Variants in ALOXE3 observed in about 807,000 individuals in gnomAD.
ALOXE3 encodes the protein hydroperoxide isomerase ALOXE3.
ALOXE3 carries 78 observed loss-of-function variants against 87.5 expected under a neutral mutation model. That is an observed-to-expected ratio of 0.89 (90% confidence interval 0.74 to 1.08). The LOEUF is 1.08. Ranked by LOEUF, ALOXE3 falls within the 50% of genes least tolerant of loss-of-function variation. The pLI is 0.00. For synonymous variants in ALOXE3, 363 were observed against 370.8 expected (o/e 0.98, Z 0.24); for missense variants, 946 against 912.4 (o/e 1.04, Z -0.47).
intron 13 of ALOXE3, among the ~76,000 whole-genome samples, chr17:8,105,249 C>T (rs769752049): frequency 6.6e-6 from 1 of 152,270 alleles, no homozygotes; most frequent in African/African-American, 2.4e-5. Context: ...CCTGATAGTT[C>T]TCAAATGCAC....
Position 8,116,796 on chromosome 17 carries a change from A to C in ALOXE3, c.332T>G (p.Val111Gly). The C allele has an allele frequency of 6.2e-7, 1 of 1,614,218 alleles. No homozygotes were observed. Among genetic ancestry groups the C allele is most frequent in the Non-Finnish European group, 8.5e-7 (1 of 1,180,040 alleles). ...CCCACCTGTTCCTGGCCTCAGCTCC[A>C]CGGTGCAGTAGCCTTCAATCCACTG... ...CYQWIEGYCTVELRPGTARTI... is the reference protein window; with the variant it reads ...CYQWIEGYCTGELRPGTARTI... Residue 111 changes from valine to glycine, a missense_variant, in exon 3 of 16, where the codon GTG becomes GGG. By Grantham distance (109) the Val-to-Gly change is moderately radical. Coordinates refer to ENST00000448843, the MANE Select transcript of ALOXE3 (RefSeq NM_021628.3).
At position 8,109,274 on chromosome 17, in the gene ALOXE3, T is replaced by G. The variant is rs772822868; in HGVS notation, c.1462A>C (p.Asn488His). 79 of 1,613,898 alleles carry G rather than the reference T, an allele frequency of 4.9e-5. No homozygotes were observed. The highest frequency in any genetic ancestry group is 6.4e-5 in the Non-Finnish European group (76 of 1,180,000). The change falls in exon 12 of 16, where the codon AAT becomes CAT. Residue 488 changes from asparagine to histidine, a missense_variant. By Grantham distance (68) the Asn-to-His change is moderately conservative. Coordinates refer to ENST00000448843, the MANE Select transcript of ALOXE3 (RefSeq NM_021628.3). ...CGCAGGCTGTCCGGAAGGCAGAAATTGGTGTAGGTGAAGTGGGCCAGGCCC... is the reference window on the plus strand; with the variant it reads ...CGCAGGCTGTCCGGAAGGCAGAAATGGGTGTAGGTGAAGTGGGCCAGGCCC... Reference protein sequence around the residue: ...STGLAHFTYTNFCLPDSLRAR... With the variant: ...STGLAHFTYTHFCLPDSLRAR...
At chr17:8,103,574 T>C in intron 14 of ALOXE3, 81 bp from the exon 15 acceptor site, 1 of 1,470,246 alleles carries the variant, frequency 6.8e-7, no homozygotes, top group Non-Finnish European at 9.4e-7. Context: ...TGATTCCACC[T>C]CTGCCGTCCT....
At chr17:8,099,459 C>G (rs540542769) in intron 15 of ALOXE3, among the ~76,000 whole-genome samples, 2 of 151,932 alleles carry the variant, frequency 1.3e-5, no homozygotes, top group African/African-American at 4.8e-5. Context: ...GTCAGGAGTT[C>G]GAGACCAGCC....
intron 1 of ALOXE3, 30 bp from the exon 2 acceptor site, chr17:8,118,333 G>A: frequency 4.5e-6 from 7 of 1,551,818 alleles, no homozygotes; most frequent in Non-Finnish European, 6.1e-6. Flanking sequence ...ATGCTGAGAT[G>A]GAGAAAAGGA....
intron 11 of ALOXE3, 79 bp downstream of exon 11, chr17:8,109,837 C>G: frequency 2.8e-6 from 4 of 1,424,086 alleles, no homozygotes; most frequent in Non-Finnish European, 3.8e-6. Context: ...GGCTTGGGCG[C>G]AGAACAGGGC....
chr17:8,109,725 G>T (rs1192027760), intron 11 of ALOXE3, among the ~76,000 whole-genome samples, 191 bp downstream of exon 11: 2 of 151,420 alleles, frequency 1.3e-5, no homozygotes, highest in Admixed American at 1.3e-4. Context: ...CAGGGTCTGT[G>T]AAGGGGGCCG....
At chr17:8,115,812 C>A in intron 3 of ALOXE3, 124 bp from the exon 4 acceptor site, 2 of 908,982 alleles carry the variant, frequency 2.2e-6, no homozygotes, top group Non-Finnish European at 1.8e-6. Context: ...AAACACGTGG[C>A]GGTGCCCCCA....
At chr17:8,103,671 G>T (rs563099226) in intron 14 of ALOXE3, among the ~76,000 whole-genome samples, 178 bp from the exon 15 acceptor site, 1 of 152,184 alleles carries the variant, frequency 6.6e-6, no homozygotes, top group African/African-American at 2.4e-5. Context: ...GAGAGGAAAG[G>T]GTAGGGAGTG....
chr17:8,101,972 C>G (rs1175771154), intron 15 of ALOXE3, among the ~76,000 whole-genome samples: 1 of 152,152 alleles, frequency 6.6e-6, no homozygotes, highest in Non-Finnish European at 1.5e-5. Flanking sequence ...CAAAGGGAGT[C>G]AAGCGTGAGA....
chr17:8,097,627 C>T (rs574963785), intron 15 of ALOXE3, among the ~76,000 whole-genome samples: 1 of 152,254 alleles, frequency 6.6e-6, no homozygotes, highest in South Asian at 2.1e-4. Flanking sequence ...AGGACTGTCC[C>T]TCCCTCATGA....
At chr17:8,114,855 C>G in intron 5 of ALOXE3, 83 bp downstream of exon 5, 1 of 1,592,106 alleles carries the variant, frequency 6.3e-7, no homozygotes, top group South Asian at 1.1e-5. Flanking sequence ...CCTACCCCTC[C>G]TTCCTGGCTA....
intron 7 of ALOXE3, 130 bp downstream of exon 7, chr17:8,111,963 A>T: frequency 1.2e-6 from 1 of 842,836 alleles, no homozygotes; most frequent in Non-Finnish European, 2.0e-6. Flanking sequence ...TGAAGCCAGG[A>T]GCCCCTCCCA....
chr17:8,100,496 A>G (rs1300556651), intron 15 of ALOXE3, among the ~76,000 whole-genome samples: 1 of 152,222 alleles, frequency 6.6e-6, no homozygotes, highest in Non-Finnish European at 1.5e-5. Context: ...TCTGATCCAG[A>G]GAATCTTAAG....
At chr17:8,117,766 G>C (rs1307077468) in intron 2 of ALOXE3, 78 bp downstream of exon 2, 1 of 1,554,660 alleles carries the variant, frequency 6.4e-7, no homozygotes, top group East Asian at 2.4e-5. Context: ...AGGATCTCAA[G>C]AGTCCAGGAG....
At chr17:8,104,785 G>C (rs1306641789) in intron 13 of ALOXE3, among the ~76,000 whole-genome samples, 1 of 152,210 alleles carries the variant, frequency 6.6e-6, no homozygotes, top group Non-Finnish European at 1.5e-5. Context: ...GGCCTTGTGA[G>C]TTGAAAGATG....
At chr17:8,098,235 T>G (rs1598192379) in intron 15 of ALOXE3, among the ~76,000 whole-genome samples, 1 of 54,846 alleles carries the variant, frequency 1.8e-5, no homozygotes, top group African/African-American at 5.8e-5. Flanking sequence ...TTGGTTTTTG[T>G]TTTTTTTTTT....
chr17:8,116,341 A>C (rs1010059163), intron 3 of ALOXE3, among the ~76,000 whole-genome samples: 3 of 152,094 alleles, frequency 2.0e-5, no homozygotes, highest in African/African-American at 7.2e-5. Flanking sequence ...CCTCATCCAC[A>C]CTAGAAAAGC....
intron 13 of ALOXE3, among the ~76,000 whole-genome samples, 171 bp downstream of exon 13, chr17:8,108,297 G>A (rs1979684619): frequency 6.6e-6 from 1 of 152,206 alleles, no homozygotes; most frequent in African/African-American, 2.4e-5. Flanking sequence ...GAGCTGGCTC[G>A]GAACCCGCCT....
Sources: gnomAD v4.1 joint callset for allele counts (sites outside exome capture counted in the v4.1 genomes callset) on GRCh38, gnomAD v4.1.1 for gene constraint, MANE v1.5 for transcripts, NCBI Gene and HGNC (gene_info 2026-07-23, HGNC 2026-07-21) for gene names.